HPSE2: variants seen among roughly 807,000 people sequenced by gnomAD.
The protein encoded by HPSE2 is inactive heparanase-2.
A neutral mutation model predicts 60.5 loss-of-function variants in HPSE2; 38 were observed. That is an observed-to-expected ratio of 0.63 (90% CI 0.48 to 0.82). HPSE2 has a LOEUF of 0.82. Ranked by LOEUF, HPSE2 falls within the 40% of genes least tolerant of loss-of-function variation. HPSE2 has a pLI of 0.00. For synonymous variants in HPSE2, 295 were observed against 293.2 expected (o/e 1.01, Z -0.06); for missense variants, 713 against 740.4 (o/e 0.96, Z 0.43).
In HPSE2 at chr10:98,717,777, A is replaced by G. The variant is rs1248323354; in HGVS notation, c.956+3880T>C. 5.9e-5 allele frequency among the ~76,000 whole-genome samples: 9 copies of G among 152,148 alleles called. No individual in the cohort carries two copies. In the East Asian group the frequency reaches 1.7e-3, roughly 29 times the overall value. On this transcript the variant is annotated intron_variant, in intron 5 of 11. Transcript: ENST00000370552. ...AAAAACGTGAAATGTTGCAAGAATT[A>G]CCAAAATGTGACACAGACACATGAA...
intron 6 of HPSE2, among the ~76,000 whole-genome samples, chr10:98,682,912 G>C (rs1947822231): frequency 6.6e-6 from 1 of 152,146 alleles, no homozygotes. Flanking sequence ...ACTACAGTCA[G>C]GACCATCAAG....
At chr10:99,221,807 G>A (rs1349174072) in intron 2 of HPSE2, among the ~76,000 whole-genome samples, 2 of 152,120 alleles carry the variant, frequency 1.3e-5, no homozygotes, top group Non-Finnish European at 2.9e-5. Flanking sequence ...GCGGAGAGAA[G>A]AAGCTGGCCA....
At chr10:99,224,420 GACACACACAC>G (rs34148639) in intron 2 of HPSE2, among the ~76,000 whole-genome samples, 3 of 143,592 alleles carry the variant, frequency 2.1e-5, no homozygotes, top group African/African-American at 7.6e-5. Flanking sequence ...CTTTCTCTCT[GACACACACAC>G]ACACACACAC....
chr10:99,297,726 G>A, the HPSE2 span, among the ~76,000 whole-genome samples: 3 of 152,176 alleles, frequency 2.0e-5, no homozygotes, highest in Admixed American at 6.5e-5. Flanking sequence ...CTTGGTCTTG[G>A]GTTCACTGCT....
intron 3 of HPSE2, among the ~76,000 whole-genome samples, chr10:98,898,003 A>G (rs1953545137): frequency 6.6e-6 from 1 of 152,178 alleles, no homozygotes. Flanking sequence ...CAATGAGGAA[A>G]AAAACCTCAA....
At chr10:98,797,429 C>A (rs956046554) in intron 3 of HPSE2, among the ~76,000 whole-genome samples, 1 of 152,128 alleles carries the variant, frequency 6.6e-6, no homozygotes, top group Non-Finnish European at 1.5e-5. Flanking sequence ...TGAAAACATA[C>A]AGTCAGAGGA....
At chr10:99,048,709 C>T (rs572415927) in intron 3 of HPSE2, among the ~76,000 whole-genome samples, 23 of 152,234 alleles carry the variant, frequency 1.5e-4, no homozygotes, top group African/African-American at 5.3e-4. Context: ...TACCATTCAA[C>T]CCCACAATCC....
At chr10:98,746,299 A>G (rs1439595837) in intron 3 of HPSE2, among the ~76,000 whole-genome samples, 1 of 141,842 alleles carries the variant, frequency 7.1e-6, no homozygotes, top group Non-Finnish European at 1.6e-5. Flanking sequence ...TAATAATTTT[A>G]TAATTATCTA....
intron 9 of HPSE2, among the ~76,000 whole-genome samples, chr10:98,571,337 T>TTAC (rs200881246): frequency 6.6e-5 from 10 of 151,928 alleles, no homozygotes; most frequent in East Asian, 3.9e-4. Context: ...GATTCTATCT[T>TTAC]TACTACTACT....
intron 5 of HPSE2, among the ~76,000 whole-genome samples, chr10:98,709,862 T>C (rs1043572252): frequency 6.6e-6 from 1 of 151,828 alleles, no homozygotes; most frequent in Non-Finnish European, 1.5e-5. Context: ...GGATCACAGA[T>C]TGCAACCCTA....
intron 9 of HPSE2, among the ~76,000 whole-genome samples, chr10:98,505,111 T>C (rs1942158267): frequency 6.6e-6 from 1 of 152,228 alleles, no homozygotes; most frequent in Non-Finnish European, 1.5e-5. Context: ...CTGATGGATA[T>C]GTGTGTCCAG....
chr10:98,984,481 AC>A (rs1329576634), intron 3 of HPSE2, among the ~76,000 whole-genome samples: 6 of 152,140 alleles, frequency 3.9e-5, no homozygotes. Context: ...CCACACCAAA[AC>A]CCCATCTGTA....
At chr10:98,799,236 A>G (rs367563445) in intron 3 of HPSE2, among the ~76,000 whole-genome samples, 2 of 152,334 alleles carry the variant, frequency 1.3e-5, no homozygotes, top group African/African-American at 2.4e-5. Flanking sequence ...GCAAGAGGAT[A>G]TAACAATTGT....
At chr10:98,713,114 T>C (rs1199071198) in intron 5 of HPSE2, among the ~76,000 whole-genome samples, 1 of 151,952 alleles carries the variant, frequency 6.6e-6, no homozygotes, top group Non-Finnish European at 1.5e-5. Flanking sequence ...AGCATGGTAC[T>C]AGCTTAGCAC....
chr10:98,623,675 T>C (rs190975979), intron 7 of HPSE2, among the ~76,000 whole-genome samples: 34 of 152,214 alleles, frequency 2.2e-4, no homozygotes, highest in Non-Finnish European at 4.7e-4. Context: ...AATATCTTCA[T>C]CCACATTTAA....
At position 99,167,502 on chromosome 10, in the gene HPSE2, T is replaced by C. The variant is rs1192112444; in HGVS notation, c.449-23103A>G. ...ACATAAGAACTTCCAATTTTTCTAGTCTCATTTGTTGAAAAGACTCTCCTT... is the reference window on the plus strand; with the variant it reads ...ACATAAGAACTTCCAATTTTTCTAGCCTCATTTGTTGAAAAGACTCTCCTT... On this transcript the variant is annotated intron_variant, in intron 2 of 11. Coordinates refer to ENST00000370552, the MANE Select transcript of HPSE2 (RefSeq NM_021828.5). 3.3e-5 allele frequency among the ~76,000 whole-genome samples: 5 copies of C among 152,236 alleles called. No individual in the cohort carries two copies. The East Asian group carries it at 9.6e-4, about 29-fold the overall frequency.
chr10:98,574,394 G>A (rs1461686971), intron 9 of HPSE2, among the ~76,000 whole-genome samples: 1 of 152,202 alleles, frequency 6.6e-6, no homozygotes, highest in Non-Finnish European at 1.5e-5. Flanking sequence ...AGAATGCAAA[G>A]AGGACTCTTC....
At position 98,582,926 on chromosome 10, in the gene HPSE2, C is replaced by G. The variant is rs10786443; in HGVS notation, c.1320+31978G>C. 2.0e-5 allele frequency among the ~76,000 whole-genome samples: 3 copies of G among 151,980 alleles called. No homozygotes were observed. In the East Asian group the frequency reaches 5.8e-4, roughly 29 times the overall value. Reference sequence around the variant, plus strand: ...TTCTGTACCCCCTGCCACCCCCAACCGTTTTCTCCTCTGCAATCCCTGGCC... The same window carrying G: ...TTCTGTACCCCCTGCCACCCCCAACGGTTTTCTCCTCTGCAATCCCTGGCC... On this transcript the variant is annotated intron_variant, in intron 9 of 11. Coordinates refer to ENST00000370552, the MANE Select transcript of HPSE2 (RefSeq NM_021828.5).
intron 2 of HPSE2, among the ~76,000 whole-genome samples, chr10:99,144,977 A>C (rs1845995937): frequency 6.6e-6 from 1 of 152,198 alleles, no homozygotes; most frequent in Non-Finnish European, 1.5e-5. Context: ...ATTCTGACTT[A>C]ATAATCATTC....
Sources: allele counts gnomAD v4.1 joint callset (sites outside exome capture counted in the v4.1 genomes callset), GRCh38; gene constraint gnomAD v4.1.1; transcripts MANE v1.5; gene names NCBI Gene and HGNC (gene_info 2026-07-23, HGNC 2026-07-21).